The following TRPM1 variants were observed in gnomAD, a reference collection of about 807,000 sequenced individuals.
The protein encoded by TRPM1 is transient receptor potential cation channel subfamily M member 1, also known as TRPM1-203 APA Isoform, Intron 10.
Under a neutral mutation model 149.4 loss-of-function variants are expected in TRPM1, and 113 were observed. The observed-to-expected ratio is 0.76, with a 90% confidence interval of 0.65 to 0.88. The LOEUF (loss-of-function observed/expected upper bound fraction) is 0.88, where lower values mean the gene tolerates loss of function less well. Ranked by LOEUF, TRPM1 falls within the 40% of genes least tolerant of loss-of-function variation. The pLI, the probability that TRPM1 is intolerant of heterozygous loss-of-function variation, is 0.00. For synonymous variants in TRPM1, 741 were observed against 759.5 expected, an observed-to-expected ratio of 0.98 and a Z score of 0.40; for missense variants, 1,976 against 2,038.7, an observed-to-expected ratio of 0.97 and a Z score of 0.59.
intron 1 of TRPM1, among the ~76,000 whole-genome samples, chr15:31,089,703 G>A (rs1165036877): frequency 2.0e-5 from 3 of 152,222 alleles, no homozygotes; most frequent in Admixed American, 2.0e-4. Context: ...CTCCAGGGCC[G>A]ACACTTGGAT....
rs746290263 is a variant in TRPM1, at chr15:31,037,821, A to G, written c.2461T>C (p.Ser821Pro). The G allele has an allele frequency of 6.2e-7, 1 of 1,614,160 alleles. No individual in the cohort carries two copies. The highest frequency in any genetic ancestry group is 1.1e-5 in the South Asian group (1 of 91,080). The stretch of plus-strand genomic sequence containing the variant: ...TCGTTCTCCTCATCCCCCTTTCTTG[A>G]GCCAGCATCTGCATTTGCATCCTGG... ...ENTDANADAG[S>P]RKGDEENEHK... Residue 821 changes from serine (S) to proline (P), a missense_variant, in exon 20 of 28, where the codon TCA (serine) becomes CCA (proline). Coordinates refer to ENST00000256552, the MANE Select transcript of TRPM1 (RefSeq NM_001252024.2).
At chr15:31,067,704 A>T (rs889899717) in intron 5 of TRPM1, among the ~76,000 whole-genome samples, 175 bp downstream of exon 5, 1 of 151,838 alleles carries the variant, frequency 6.6e-6, no homozygotes, top group Non-Finnish European at 1.5e-5. Context: ...GTTTTTTTTT[A>T]AGAGTCATAT....
intron 1 of TRPM1, among the ~76,000 whole-genome samples, chr15:31,144,386 A>G (rs1480880459): frequency 6.6e-6 from 1 of 152,220 alleles, no homozygotes; most frequent in Non-Finnish European, 1.5e-5. Context: ...GCAATGAGCC[A>G]TGACCGCACC....
At chr15:31,102,460 G>C (rs545213240), upstream of TRPM1, among the ~76,000 whole-genome samples, 3 of 152,326 alleles carry the variant, frequency 2.0e-5, no homozygotes, top group South Asian at 2.1e-4. Flanking sequence ...GGCATTGTCC[G>C]CCTCCCGCTT....
chr15:31,033,395 C>T (rs2033188327), intron 21 of TRPM1, among the ~76,000 whole-genome samples: 1 of 152,200 alleles, frequency 6.6e-6, no homozygotes, highest in South Asian at 2.1e-4. Context: ...GCAACTTAGA[C>T]ATGAGAAATT....
intron 1 of TRPM1, among the ~76,000 whole-genome samples, chr15:31,147,803 A>G (rs1263214677): frequency 2.0e-5 from 3 of 152,148 alleles, no homozygotes; most frequent in Non-Finnish European, 4.4e-5. Context: ...AACTTTTCTT[A>G]GTAGCTGAGA....
rs1454207082 is a variant in TRPM1, at chr15:31,031,072, T to C, written c.3038A>G (p.Glu1013Gly). ...GVARQAILHP[E>G]EKPSWKLARN... ...GGCCAGTTTCCAAGAGGGCTTCTCCTCTGGATGCAGAATGGCTTGACGGGC... is the reference window on the plus strand; with the variant it reads ...GGCCAGTTTCCAAGAGGGCTTCTCCCCTGGATGCAGAATGGCTTGACGGGC... Residue 1013 changes from glutamate to glycine, a missense_variant, in exon 23 of 28, where the codon GAG becomes GGG. Physicochemically the swap from Glu to Gly is moderately conservative, Grantham distance 98. Around this residue, in one of 3 missense-constraint regions of TRPM1, gnomAD observed 1,332 missense variants for 1,347.1 expected, o/e 0.99. Transcript: ENST00000256552. 6 of 1,614,170 alleles carry C rather than the reference T, an allele frequency of 3.7e-6. No individual in the cohort carries two copies. The highest frequency in any genetic ancestry group is 3.3e-5 in the Admixed American group (2 of 60,018).
intron 22 of TRPM1, among the ~76,000 whole-genome samples, chr15:31,031,977 A>G (rs967460605): frequency 4.7e-5 from 7 of 149,582 alleles, no homozygotes; most frequent in Non-Finnish European, 1.0e-4. Flanking sequence ...GGCTTCTACC[A>G]CATGTTAGGA....
At chr15:31,103,178 C>A (rs3826030), upstream of TRPM1, among the ~76,000 whole-genome samples, 1 of 152,144 alleles carries the variant, frequency 6.6e-6, no homozygotes, top group African/African-American at 2.4e-5. Flanking sequence ...GCAGTGGGCC[C>A]TTCACTAGAC....
chr15:31,095,675 A>T (rs1199230775), intron 1 of TRPM1, among the ~76,000 whole-genome samples: 3 of 151,920 alleles, frequency 2.0e-5, no homozygotes, highest in Admixed American at 6.6e-5. Context: ...ACAGAGTGAG[A>T]CTCCATTTGA....
Position 31,070,662 on chromosome 15 carries a change from C to G in TRPM1, c.84-436G>C, listed in dbSNP as rs1375673896. On this transcript the variant is annotated intron_variant, in intron 3 of 27. Transcript: ENST00000256552. ...AGACCTCCCCCAAGCTCAGGTGATC[C>G]TCTCACCTCAGCCTCCCTAGTAACT... 2.6e-5 allele frequency among the ~76,000 whole-genome samples: 4 copies of G among 152,028 alleles called. No individual in the cohort carries two copies. The East Asian group carries it at 7.7e-4, about 29-fold the overall frequency.
intron 16 of TRPM1, among the ~76,000 whole-genome samples, chr15:31,043,844 G>A (rs1011956847): frequency 1.2e-4 from 18 of 152,118 alleles, no homozygotes; most frequent in African/African-American, 4.3e-4. Flanking sequence ...GCCAGAGAGA[G>A]AATATGAGAA....
rs1567004102 is a variant in TRPM1, at chr15:31,032,881, G to C, written c.2760C>G (p.Tyr920Ter). 2 of 1,614,228 alleles carry C rather than the reference G, an allele frequency of 1.2e-6. No individual in the cohort carries two copies. Among genetic ancestry groups the C allele is most frequent in the African/African-American group, 2.7e-5 (2 of 75,056 alleles). ...SQKIKVWLQE[Y>*]WNITDLVAIS... Reference sequence around the variant, plus strand: ...TGGCCACGAGATCTGTGATGTTCCAGTACTCCTGAAGCCAAACTTTGATTT... The same window carrying C: ...TGGCCACGAGATCTGTGATGTTCCACTACTCCTGAAGCCAAACTTTGATTT... Residue 920 changes from tyrosine (Y) to a stop codon, truncating the protein, a stop_gained, in exon 22 of 28, where the codon TAC becomes TAG. Transcript: ENST00000256552. LOFTEE classifies it high-confidence loss of function.
chr15:31,080,913 A>C (rs1457766676), intron 2 of TRPM1, among the ~76,000 whole-genome samples: 1 of 152,076 alleles, frequency 6.6e-6, no homozygotes, highest in Non-Finnish European at 1.5e-5. Flanking sequence ...CCTCATCGTG[A>C]AAGGGGGAAA....
intron 1 of TRPM1, among the ~76,000 whole-genome samples, chr15:31,088,878 C>A (rs962220734): frequency 7.9e-5 from 12 of 152,236 alleles, no homozygotes; most frequent in South Asian, 4.1e-4. Context: ...CATTTGGCCC[C>A]CCCGAGCGGG....
intron 18 of TRPM1, among the ~76,000 whole-genome samples, chr15:31,038,991 CTTT>C (rs1175210129): frequency 2.3e-5 from 3 of 131,468 alleles, no homozygotes; most frequent in Non-Finnish European, 3.3e-5. Context: ...CATGCTTCCC[CTTT>C]TTTTTTTTTT....
At chr15:31,083,269 C>T (rs778921380) in intron 1 of TRPM1, among the ~76,000 whole-genome samples, 7 of 152,316 alleles carry the variant, frequency 4.6e-5, no homozygotes, top group East Asian at 1.9e-4. Context: ...TTAGAGCAGA[C>T]GACTCAAACT....
intron 3 of TRPM1, among the ~76,000 whole-genome samples, chr15:31,072,018 T>TATAGAGAGAG (rs1400392427): frequency 2.4e-4 from 9 of 36,906 alleles, no homozygotes; most frequent in Admixed American, 8.4e-4. Context: ...TATATATATA[T>TATAGAGAGAG]AGAGAGAGAG....
At chr15:31,039,154 C>A (rs1454536825) in intron 18 of TRPM1, among the ~76,000 whole-genome samples, 1 of 152,082 alleles carries the variant, frequency 6.6e-6, no homozygotes, top group Non-Finnish European at 1.5e-5. Context: ...GCTCCAAATG[C>A]CTTCCCTTCA....
Sources: allele counts gnomAD v4.1 joint callset (sites outside exome capture counted in the v4.1 genomes callset), GRCh38; gene constraint gnomAD v4.1.1; regional missense constraint gnomAD v4.1.1; transcripts MANE v1.5; gene names NCBI Gene and HGNC (gene_info 2026-07-23, HGNC 2026-07-21).